Variants in RHBDL3 observed in about 807,000 individuals in gnomAD.
The protein encoded by RHBDL3 is rhomboid-related protein 3.
In RHBDL3, 28 loss-of-function variants were observed where a neutral mutation model predicts 48.2. That is an observed-to-expected ratio of 0.58 (90% confidence interval 0.43 to 0.80). The LOEUF is 0.80. Among genes scored for constraint, RHBDL3 ranks in the 30% least tolerant of loss-of-function variants. RHBDL3 has a pLI of 0.00. For synonymous variants in RHBDL3, 208 were observed against 232.3 expected (o/e 0.90, Z 0.95); for missense variants, 464 against 542.7 (o/e 0.85, Z 1.44).
rs1597601938 is a variant in RHBDL3 at position 32,267,665 on chromosome 17, C to T, written c.112-237C>T. On this transcript the variant is annotated intron_variant, in intron 1 of 8. Transcript: ENST00000269051. ...AGCAACACCCACCTTGCCGCCCCCG[C>T]CCCCACCCCATCCCTTACTGTGAGT... 9.0e-6 allele frequency: 4 copies of T among 443,998 alleles called. 1 individual carries two copies. In the East Asian group the frequency reaches 3.1e-4, roughly 34 times the overall value. The allele number at this position is 443,998 out of a possible 1,614,324, so 27.5% of individuals were successfully genotyped here. A position where few individuals can be genotyped will look rare whatever the true frequency, so the allele number is the denominator to read the frequency against.
At chr17:32,276,631 TCAGCCCTAGCACCGTACTC>T (rs1234898979) in intron 2 of RHBDL3, among the ~76,000 whole-genome samples, 148 of 151,480 alleles carry the variant, frequency 9.8e-4, no homozygotes, top group African/African-American at 3.4e-3. Flanking sequence ...GCACCATACT[TCAGCCCTAGCACCGTACTC>T]CAGCCCTAGC....
intron 6 of RHBDL3, among the ~76,000 whole-genome samples, chr17:32,302,679 T>A (rs1021572704): frequency 6.6e-6 from 1 of 152,110 alleles, no homozygotes; most frequent in African/African-American, 2.4e-5. Context: ...CCACCCCACC[T>A]GGCCCAAAAG....
At chr17:32,276,877 T>A (rs2039924390) in intron 2 of RHBDL3, among the ~76,000 whole-genome samples, 1 of 100,180 alleles carries the variant, frequency 1.0e-5, no homozygotes, top group Admixed American at 8.5e-5. Flanking sequence ...AGCACAGTAC[T>A]GCGGCCCTAG....
Position 32,321,058 on chromosome 17 carries a change from C to T in RHBDL3, c.1044C>T (p.Ala348=), listed in dbSNP as rs764947867. Residue 348 remains alanine (A), a synonymous_variant, in exon 9 of 9, where the codon GCC becomes GCT. Transcript: ENST00000269051. ...PSFVAHLGGV[A]VGITLGVVVL... ...TTGTGGCGCACTTGGGTGGCGTGGC[C>T]GTGGGCATCACCCTGGGCGTGGTGG... 72 of 1,614,070 alleles carry T rather than the reference C, an allele frequency of 4.5e-5. No homozygotes were observed. Among genetic ancestry groups the T allele is most frequent in the South Asian group, 1.3e-4 (12 of 91,094 alleles).
chr17:32,316,178 A>T, intron 7 of RHBDL3, 54 bp from the exon 8 acceptor site: 1 of 1,281,576 alleles, frequency 7.8e-7, no homozygotes, highest in South Asian at 1.2e-5. Flanking sequence ...AGCAAGACAC[A>T]CCGGCAGAAG....
chr17:32,267,169 GA>G (rs2039652555), intron 1 of RHBDL3, among the ~76,000 whole-genome samples: 1 of 152,136 alleles, frequency 6.6e-6, no homozygotes, highest in South Asian at 2.1e-4. Context: ...ACGAAAGCGG[GA>G]AAGTCTGAAT....
chr17:32,308,840 G>A (rs1364714721), intron 7 of RHBDL3, among the ~76,000 whole-genome samples: 1 of 151,968 alleles, frequency 6.6e-6, no homozygotes, highest in Non-Finnish European at 1.5e-5. Flanking sequence ...GGCCGAGGCG[G>A]GTGGATCACG....
intron 2 of RHBDL3, among the ~76,000 whole-genome samples, chr17:32,273,103 C>T (rs546299922): frequency 2.6e-5 from 4 of 152,324 alleles, no homozygotes; most frequent in East Asian, 1.9e-4. Context: ...CGGGTTCAGG[C>T]GATTCTCCTA....
chr17:32,320,862 A>G, intron 8 of RHBDL3, 96 bp from the exon 9 acceptor site: 1 of 851,972 alleles, frequency 1.2e-6, no homozygotes. Flanking sequence ...TGCTTGGCCT[A>G]ATAGGGAATG....
intron 3 of RHBDL3, among the ~76,000 whole-genome samples, chr17:32,285,921 G>A (rs576799420): frequency 1.1e-4 from 16 of 152,334 alleles, no homozygotes; most frequent in African/African-American, 3.8e-4. Flanking sequence ...TCTTGGCTGA[G>A]GTCCAGCCTT....
At chr17:32,298,028 TTGAATGAATGAA>T (rs528998601) in intron 5 of RHBDL3, 52 bp from the exon 6 acceptor site, 61 of 1,212,588 alleles carry the variant, frequency 5.0e-5, no homozygotes, top group Admixed American at 4.7e-4. Flanking sequence ...CAGGTGTTTG[TTGAATGAATGAA>T]TGAATGAATG....
At chr17:32,284,845 G>C in intron 3 of RHBDL3, 28 bp downstream of exon 3, 2 of 1,596,794 alleles carry the variant, frequency 1.3e-6, no homozygotes, top group Non-Finnish European at 1.7e-6. Flanking sequence ...CTTGGTACTC[G>C]GGGGGACCTG....
chr17:32,303,099 C>T (rs1055410387), intron 6 of RHBDL3, among the ~76,000 whole-genome samples: 4 of 152,222 alleles, frequency 2.6e-5, no homozygotes, highest in Non-Finnish European at 5.9e-5. Context: ...TGACCCCTGG[C>T]CCTAGGGTCA....
intron 8 of RHBDL3, 34 bp from the exon 9 acceptor site, chr17:32,320,924 T>C: frequency 6.4e-7 from 1 of 1,558,120 alleles, no homozygotes; most frequent in Non-Finnish European, 8.8e-7. Flanking sequence ...CTCAGGGCCC[T>C]CCTGTGACAT....
In RHBDL3 at chr17:32,315,899, G is replaced by T. The variant is rs550671247; in HGVS notation, c.883-333G>T. Among the ~76,000 whole-genome samples, 4 of 151,764 alleles carry T rather than the reference G, an allele frequency of 2.6e-5. No homozygotes were observed. The South Asian group carries it at 8.3e-4, about 32-fold the overall frequency. On this transcript the variant is annotated intron_variant, in intron 7 of 8. Coordinates refer to ENST00000269051, the MANE Select transcript of RHBDL3 (RefSeq NM_138328.3). ...GGTGGTTCTGTCTTGACTTTGCTTG[G>T]TTGGCTGTCCTGCATCCTTTGCAAC... is the stretch of plus-strand genomic sequence containing the variant.
intron 2 of RHBDL3, among the ~76,000 whole-genome samples, chr17:32,275,992 T>C (rs1436554369): frequency 6.6e-6 from 1 of 152,056 alleles, no homozygotes; most frequent in African/African-American, 2.4e-5. Flanking sequence ...AGCCCCAGCT[T>C]GAAGCAGGCC....
chr17:32,289,235 G>A (rs566556010), intron 4 of RHBDL3, among the ~76,000 whole-genome samples: 16 of 152,254 alleles, frequency 1.1e-4, no homozygotes, highest in South Asian at 2.1e-4. Flanking sequence ...ATATTCCAAA[G>A]ATTATTACTT....
chr17:32,270,056 T>A (rs1215912886), intron 2 of RHBDL3, among the ~76,000 whole-genome samples: 2 of 140,900 alleles, frequency 1.4e-5, no homozygotes, highest in Non-Finnish European at 3.0e-5. Context: ...CCAGGCACAG[T>A]GGCTAACGCC....
In RHBDL3 at chr17:32,321,261, G is replaced by A. The variant is rs1295686414; in HGVS notation, c.*32G>A. The A allele has an allele frequency of 6.2e-7, 1 of 1,613,710 alleles. No individual in the cohort carries two copies. The highest frequency in any genetic ancestry group is 8.5e-7 in the Non-Finnish European group (1 of 1,179,976). On this transcript the variant is annotated 3_prime_UTR_variant, in exon 9 of 9. Coordinates refer to ENST00000269051, the MANE Select transcript of RHBDL3 (RefSeq NM_138328.3). Reference sequence around the variant, plus strand: ...GAGGCCCAAGGTCGGGGAGGGGAGGGAAAAGCAGCACCCACAGGGAGCGCC... The same window carrying A: ...GAGGCCCAAGGTCGGGGAGGGGAGGAAAAAGCAGCACCCACAGGGAGCGCC...
Sources: gnomAD v4.1 joint callset for allele counts (sites outside exome capture counted in the v4.1 genomes callset) on GRCh38, gnomAD v4.1.1 for gene constraint, MANE v1.5 for transcripts, NCBI Gene and HGNC (gene_info 2026-07-23, HGNC 2026-07-21) for gene names.